The following CRADD variants were observed in gnomAD, a reference collection of about 807,000 sequenced individuals.
The protein encoded by CRADD is death domain-containing protein CRADD.
CRADD carries 9 observed loss-of-function variants against 15.5 expected under a neutral mutation model. That is an observed-to-expected ratio of 0.58 (90% CI 0.35 to 1.01). The LOEUF (loss-of-function observed/expected upper bound fraction) is 1.01, where lower values mean the gene tolerates loss of function less well. Ranked by LOEUF, CRADD falls within the 50% of genes least tolerant of loss-of-function variation. The pLI, the probability that CRADD is intolerant of heterozygous loss-of-function variation, is 0.02. For missense variants in CRADD, 227 were observed against 250.3 expected, an observed-to-expected ratio of 0.91 and a Z score of 0.63; for synonymous variants, 118 against 107.6, an observed-to-expected ratio of 1.10 and a Z score of -0.60.
At chr12:93,764,756 A>C (rs1340090223) in intron 2 of CRADD, among the ~76,000 whole-genome samples, 1 of 149,472 alleles carries the variant, frequency 6.7e-6, no homozygotes, top group African/African-American at 2.5e-5. Flanking sequence ...GTCTACAGGG[A>C]GTGGAATTAC....
chr12:93,809,564 T>C (rs1407865103), intron 2 of CRADD, among the ~76,000 whole-genome samples: 1 of 152,192 alleles, frequency 6.6e-6, no homozygotes, highest in Non-Finnish European at 1.5e-5. Context: ...TATAATGACA[T>C]AGAGTCTTGA....
At chr12:93,761,568 G>A (rs140113132) in intron 2 of CRADD, among the ~76,000 whole-genome samples, 65 of 152,242 alleles carry the variant, frequency 4.3e-4, no homozygotes, top group African/African-American at 1.5e-3. Context: ...GTACAGGTGG[G>A]AGGAGGATCT....
In CRADD at chr12:93,850,218, G is replaced by A. The variant is rs1958200028; in HGVS notation, c.547G>A (p.Gly183Arg). 2 of 1,611,312 alleles carry A rather than the reference G, an allele frequency of 1.2e-6. No homozygotes were observed. Among genetic ancestry groups the A allele is most frequent in the South Asian group, 1.1e-5 (1 of 91,024 alleles). Residue 183 changes from glycine to arginine, a missense_variant, in exon 3 of 3, where the codon GGG (glycine) becomes AGG (arginine). By Grantham distance (125) the Gly-to-Arg change is moderately radical. Coordinates refer to ENST00000332896, the MANE Select transcript of CRADD (RefSeq NM_003805.5). This position sits in a 1 kb window ranked among gnomAD's most constrained non-coding sequence, Gnocchi z 4.0. ...KQATFQSLHNGLRAVEVDPSL... is the reference protein window; with the variant it reads ...KQATFQSLHNRLRAVEVDPSL... ...GGCCACCTTCCAGAGCCTGCACAAC[G>A]GGCTGCGGGCTGTGGAGGTGGACCC...
At chr12:93,831,840 G>A (rs1233497507) in intron 2 of CRADD, among the ~76,000 whole-genome samples, 2 of 152,236 alleles carry the variant, frequency 1.3e-5, no homozygotes, top group African/African-American at 4.8e-5. Context: ...TGATTTGGAA[G>A]TGGTCTGTTT....
chr12:93,865,345 T>C (rs967718744), intron 2 of CRADD, among the ~76,000 whole-genome samples: 1 of 152,184 alleles, frequency 6.6e-6, no homozygotes, highest in Non-Finnish European at 1.5e-5. Context: ...CAGAAAGCAA[T>C]ACCTATGGAT....
At chr12:93,752,476 T>C (rs1279754260) in intron 2 of CRADD, among the ~76,000 whole-genome samples, 1 of 152,200 alleles carries the variant, frequency 6.6e-6, no homozygotes, top group African/African-American at 2.4e-5. Flanking sequence ...ACACTGTGTG[T>C]TTAAGCTATG....
At chr12:93,776,324 A>G (rs1957139878) in intron 2 of CRADD, among the ~76,000 whole-genome samples, 1 of 152,212 alleles carries the variant, frequency 6.6e-6, no homozygotes, top group African/African-American at 2.4e-5. Flanking sequence ...AAACTTGTAA[A>G]GGGGTTATTT....
intron 2 of CRADD, among the ~76,000 whole-genome samples, chr12:93,881,829 T>A (rs959149446): frequency 6.6e-6 from 1 of 152,042 alleles, no homozygotes; most frequent in Non-Finnish European, 1.5e-5. Context: ...AAGATGTGAG[T>A]GATTGAAATA....
intron 2 of CRADD, among the ~76,000 whole-genome samples, chr12:93,726,794 G>A (rs558667363): frequency 5.3e-5 from 8 of 152,186 alleles, no homozygotes; most frequent in African/African-American, 1.9e-4. Context: ...AGATTAGACG[G>A]ATATACAAGA....
At chr12:93,759,592 C>T (rs1471086546) in intron 2 of CRADD, among the ~76,000 whole-genome samples, 1 of 152,138 alleles carries the variant, frequency 6.6e-6, no homozygotes, top group Non-Finnish European at 1.5e-5. Context: ...ATCGTTTCCC[C>T]AGCTCACTCT....
chr12:93,847,947 G>T (rs1958151783), intron 2 of CRADD, among the ~76,000 whole-genome samples: 1 of 151,984 alleles, frequency 6.6e-6, no homozygotes, highest in African/African-American at 2.4e-5. Context: ...TTTTTCTTCT[G>T]TTACATCCAA....
chr12:93,791,634 A>G (rs1957350613), intron 2 of CRADD, among the ~76,000 whole-genome samples: 1 of 152,118 alleles, frequency 6.6e-6, no homozygotes, highest in Non-Finnish European at 1.5e-5. Context: ...AGTTAATAAT[A>G]ATGTTTACTT....
At chr12:93,689,544 T>A (rs1955518525) in intron 2 of CRADD, among the ~76,000 whole-genome samples, 1 of 152,200 alleles carries the variant, frequency 6.6e-6, no homozygotes. Context: ...GGGGCAGGTT[T>A]TACTCCTAGG....
At chr12:93,828,189 G>GTA (rs368818214) in intron 2 of CRADD, among the ~76,000 whole-genome samples, 16 of 152,048 alleles carry the variant, frequency 1.1e-4, no homozygotes, top group African/African-American at 2.4e-4. Context: ...AGAATTATTT[G>GTA]TATATATATA....
chr12:93,846,693 A>G (rs1030177086), intron 2 of CRADD, among the ~76,000 whole-genome samples: 3 of 152,262 alleles, frequency 2.0e-5, no homozygotes, highest in Admixed American at 1.3e-4. Flanking sequence ...TAAGGACAAT[A>G]TAACAGCCAT....
intron 2 of CRADD, among the ~76,000 whole-genome samples, chr12:93,760,835 A>G (rs1956946249): frequency 6.6e-6 from 1 of 152,100 alleles, no homozygotes; most frequent in Admixed American, 6.6e-5. Flanking sequence ...ATTTGCTGAC[A>G]CTATGCACAG....
chr12:93,881,295 G>T (rs1672237732), intron 2 of CRADD, among the ~76,000 whole-genome samples: 1 of 152,084 alleles, frequency 6.6e-6, no homozygotes, highest in Admixed American at 6.6e-5. Context: ...CACTTTGTTT[G>T]TTTGTTTGTT....
At chr12:93,855,738 T>C (rs1407086274), downstream of CRADD, among the ~76,000 whole-genome samples, 1 of 152,238 alleles carries the variant, frequency 6.6e-6, no homozygotes, top group Non-Finnish European at 1.5e-5. Flanking sequence ...AGATGAAAGG[T>C]ATAACATGCT....
intron 2 of CRADD, among the ~76,000 whole-genome samples, chr12:93,867,405 T>TATATATATATATATATATATATATATA (rs1207739624): frequency 0.026 from 2,620 of 101,082 alleles, 295 homozygotes; most frequent in Non-Finnish European, 0.03. Flanking sequence ...ATATATATAT[T>TATATATATATATATATATATATATATA]TTTTAAACTT....
Sources: gnomAD v4.1 joint callset for allele counts (sites outside exome capture counted in the v4.1 genomes callset) on GRCh38, gnomAD v4.1.1 for gene constraint, Gnocchi (gnomAD v3.1) non-coding constraint, MANE v1.5 for transcripts, NCBI Gene and HGNC (gene_info 2026-07-23, HGNC 2026-07-21) for gene names.